UBAC2: variants seen among roughly 807,000 people sequenced by gnomAD.
UBAC2 encodes the protein ubiquitin-associated domain-containing protein 2.
Under a neutral mutation model 44.0 loss-of-function variants are expected in UBAC2, and 26 were observed. The observed-to-expected ratio is 0.59, with a 90% CI of 0.43 to 0.82. The LOEUF (loss-of-function observed/expected upper bound fraction) is 0.82, where lower values mean the gene tolerates loss of function less well. Among genes scored for constraint, UBAC2 ranks in the 40% least tolerant of loss-of-function variants. The probability of loss-of-function intolerance (pLI) is 0.00; values close to 1 mark genes in which losing one functional copy is unlikely to be tolerated. For missense variants in UBAC2, 329 were observed against 419.4 expected (o/e 0.78, Z 1.88); for synonymous variants, 155 against 154.3 (o/e 1.00, Z -0.04).
chr13:99,232,245 T>C (rs2043180952), intron 1 of UBAC2, among the ~76,000 whole-genome samples: 1 of 151,918 alleles, frequency 6.6e-6, no homozygotes, highest in Admixed American at 6.6e-5. Context: ...ACAATGTAAA[T>C]ATTTAACATA....
At chr13:99,246,997 C>A (rs1247409785) in intron 4 of UBAC2, among the ~76,000 whole-genome samples, 1 of 152,042 alleles carries the variant, frequency 6.6e-6, no homozygotes, top group East Asian at 1.9e-4. Context: ...CTCTTAAAAA[C>A]ATTTTTATTA....
intron 7 of UBAC2, among the ~76,000 whole-genome samples, chr13:99,364,758 T>G (rs1382817021): frequency 6.6e-6 from 1 of 152,242 alleles, no homozygotes; most frequent in Non-Finnish European, 1.5e-5. Flanking sequence ...TTTGAGAGAT[T>G]CAGCCATATT....
chr13:99,375,801 CTTTTTT>C (rs34318354), intron 8 of UBAC2, among the ~76,000 whole-genome samples: 1 of 110,884 alleles, frequency 9.0e-6, no homozygotes, highest in African/African-American at 3.7e-5. Context: ...TCCTTTTTCC[CTTTTTT>C]TTTTTTTTTT....
At chr13:99,247,489 C>T (rs2043401460) in intron 4 of UBAC2, among the ~76,000 whole-genome samples, 2 of 152,082 alleles carry the variant, frequency 1.3e-5, no homozygotes, top group African/African-American at 2.4e-5. Context: ...GCTGGGATTA[C>T]AGGCGTGAGC....
rs561359109 is a variant in UBAC2, at chr13:99,382,458, A to G, written c.928-2770A>G. On this transcript the variant is annotated intron_variant, in intron 8 of 8. Coordinates refer to ENST00000403766, the MANE Select transcript of UBAC2 (RefSeq NM_001144072.2). ...GGCACACACAACACATATGCACACT[A>G]CTAATGCATTCCTCTGCTCTCATTG... Among the ~76,000 whole-genome samples, 16 of 152,346 alleles carry G rather than the reference A, an allele frequency of 1.1e-4. No homozygotes were observed. In the South Asian group the frequency reaches 2.9e-3, roughly 28 times the overall value.
In UBAC2 at chr13:99,312,375, A is replaced by G. The variant is rs140097159; in HGVS notation, c.390-1722A>G. 4.0e-3 allele frequency among the ~76,000 whole-genome samples: 607 copies of G among 152,304 alleles called. 3 individuals carry two copies. The highest frequency in any genetic ancestry group is 5.9e-3 in the Non-Finnish European group (402 of 68,030). On this transcript the variant is annotated intron_variant, in intron 4 of 8. Coordinates refer to ENST00000403766, the MANE Select transcript of UBAC2 (RefSeq NM_001144072.2). Reference sequence around the variant, plus strand: ...TGGGAAAATAAAACACAGACTGAGTAATTAAGCCAAGTGTTTAATGGAAAA... The same window carrying G: ...TGGGAAAATAAAACACAGACTGAGTGATTAAGCCAAGTGTTTAATGGAAAA...
rs1232086725 is a variant in UBAC2, at chr13:99,213,210, CT to C, written c.31+12280del. Among the ~76,000 whole-genome samples the C allele has an allele frequency of 7.9e-3, 1,124 of 141,838 alleles. 9 individuals are homozygous for C. The highest frequency in any genetic ancestry group is 0.057 in the South Asian group (263 of 4,580). 93.1% of individuals were successfully genotyped at this position (141,838 alleles called of 152,430 possible). On this transcript the variant is annotated intron_variant, in intron 1 of 8. Coordinates refer to ENST00000403766, the MANE Select transcript of UBAC2 (RefSeq NM_001144072.2). ...AAAACGTGAGTTAGAATGATTATAA[CT>C]TTTTTTTTCAATTTTTTTTTTTTAT...
Position 99,295,432 on chromosome 13 carries a change from T to G in UBAC2, c.390-18665T>G. ...TAATTGTGTTGAGAGCCTTTTTGTT[T>G]ACACCAGATTTCTCAGTGAGTGGGT... is the stretch of plus-strand genomic sequence containing the variant. On this transcript the variant is annotated intron_variant, in intron 4 of 8. Transcript: ENST00000403766. This position sits in a 1 kb window ranked among gnomAD's most constrained non-coding sequence, Gnocchi z 4.1. 1.2e-6 allele frequency: 2 copies of G among 1,614,176 alleles called. No homozygotes were observed.
intron 8 of UBAC2, among the ~76,000 whole-genome samples, chr13:99,382,460 T>C (rs2045563891): frequency 6.6e-6 from 1 of 152,204 alleles, no homozygotes; most frequent in African/African-American, 2.4e-5. Flanking sequence ...TGCACACTAC[T>C]AATGCATTCC....
chr13:99,274,905 A>T (rs1008241342), intron 4 of UBAC2, among the ~76,000 whole-genome samples: 1 of 151,524 alleles, frequency 6.6e-6, no homozygotes, highest in Admixed American at 6.6e-5. Context: ...CTTTGTAGAG[A>T]TGAGGTTTCT....
chr13:99,268,086 A>G (rs975901749), intron 4 of UBAC2, among the ~76,000 whole-genome samples: 24 of 152,274 alleles, frequency 1.6e-4, no homozygotes, highest in African/African-American at 5.5e-4. Flanking sequence ...GGTGCCTTCA[A>G]GGTTGCAGAT....
At chr13:99,250,922 G>A (rs2043451005) in intron 4 of UBAC2, among the ~76,000 whole-genome samples, 1 of 151,782 alleles carries the variant, frequency 6.6e-6, no homozygotes, top group South Asian at 2.1e-4. Context: ...ACTTTCTTTT[G>A]TATTTTTTAG....
chr13:99,370,732 C>T (rs72651010), intron 8 of UBAC2, among the ~76,000 whole-genome samples: 1,881 of 152,294 alleles, frequency 0.012, 17 homozygotes, highest in Non-Finnish European at 0.02. Context: ...GTCACGTGCC[C>T]ATTGACTTGA....
At chr13:99,384,717 C>T (rs555478631) in intron 8 of UBAC2, among the ~76,000 whole-genome samples, 1 of 151,188 alleles carries the variant, frequency 6.6e-6, no homozygotes, top group Non-Finnish European at 1.5e-5. Flanking sequence ...ATGGCAGTGA[C>T]GCCAGGAGTG....
chr13:99,225,315 C>A (rs925371034), intron 1 of UBAC2, among the ~76,000 whole-genome samples: 3 of 152,164 alleles, frequency 2.0e-5, no homozygotes, highest in African/African-American at 7.2e-5. Context: ...TTCCTCCGCC[C>A]ACTGTACCCT....
At chr13:99,337,868 TCTC>T (rs1366038243) in intron 6 of UBAC2, among the ~76,000 whole-genome samples, 3 of 151,972 alleles carry the variant, frequency 2.0e-5, no homozygotes, top group African/African-American at 7.3e-5. Context: ...CCTCTACTTC[TCTC>T]CTCCTTCCAC....
rs569721822 is a variant in UBAC2 at position 99,375,528 on chromosome 13, G to A, written c.927+7622G>A. Among the ~76,000 whole-genome samples the A allele has an allele frequency of 1.1e-3, 161 of 152,326 alleles. 3 individuals carry two copies. Among genetic ancestry groups the A allele is most frequent in the Middle Eastern group, 6.8e-3 (2 of 294 alleles). On this transcript the variant is annotated intron_variant, in intron 8 of 8. Coordinates refer to ENST00000403766, the MANE Select transcript of UBAC2 (RefSeq NM_001144072.2). ...GTGAGCTCAGGATCGGGTGGGGGCC[G>A]TCTTCAGGTGGGCATCGCTTTCTGC...
At chr13:99,246,373 G>A (rs771250036) in intron 4 of UBAC2, among the ~76,000 whole-genome samples, 4 of 152,244 alleles carry the variant, frequency 2.6e-5, no homozygotes, top group Non-Finnish European at 4.4e-5. Context: ...GGGGAAAATA[G>A]TGTAGTCATC....
chr13:99,274,928 G>A (rs566761987), intron 4 of UBAC2, among the ~76,000 whole-genome samples: 6 of 151,652 alleles, frequency 4.0e-5, no homozygotes, highest in Non-Finnish European at 8.8e-5. Context: ...ATGTTGCCCC[G>A]GCTGGTCTCA....
Sources: gnomAD v4.1 joint callset for allele counts (sites outside exome capture counted in the v4.1 genomes callset) on GRCh38, gnomAD v4.1.1 for gene constraint, Gnocchi (gnomAD v3.1) non-coding constraint, MANE v1.5 for transcripts, NCBI Gene and HGNC (gene_info 2026-07-23, HGNC 2026-07-21) for gene names.